The following FGF12 variants were observed in gnomAD, a reference collection of about 807,000 sequenced individuals.
The protein encoded by FGF12 is fibroblast growth factor 12, also known as fibroblast growth factor 12B.
In FGF12, 14 loss-of-function variants were observed where a neutral mutation model predicts 23.6. The observed-to-expected ratio is 0.59, with a 90% CI of 0.39 to 0.93. The LOEUF (loss-of-function observed/expected upper bound fraction) is 0.93, where lower values mean the gene tolerates loss of function less well. FGF12 is among the 40% of genes least tolerant of loss of function. FGF12 has a pLI of 0.00. For missense variants in FGF12, 175 were observed against 217.8 expected (o/e 0.80, Z 1.24); for synonymous variants, 62 against 77.3 (o/e 0.80, Z 1.04).
intron 4 of FGF12, among the ~76,000 whole-genome samples, chr3:192,200,518 G>A (rs1370913441): frequency 6.6e-6 from 1 of 152,098 alleles, no homozygotes; most frequent in Non-Finnish European, 1.5e-5. Flanking sequence ...AAACTTTCAC[G>A]TAGGAAGCCA....
chr3:192,261,424 C>T (rs1168369413), intron 4 of FGF12, among the ~76,000 whole-genome samples: 2 of 152,174 alleles, frequency 1.3e-5, no homozygotes, highest in African/African-American at 4.8e-5. Context: ...CGTTTCCAAC[C>T]ACAGGCTTCT....
At chr3:192,314,912 G>A (rs931476021) in intron 4 of FGF12, among the ~76,000 whole-genome samples, 2 of 152,148 alleles carry the variant, frequency 1.3e-5, no homozygotes, top group Non-Finnish European at 2.9e-5. Flanking sequence ...GGATTCTTTA[G>A]AAGGTTAAAT....
intron 2 of FGF12, among the ~76,000 whole-genome samples, chr3:192,686,542 G>A (rs1165681553): frequency 6.6e-6 from 1 of 152,042 alleles, no homozygotes; most frequent in African/African-American, 2.4e-5. Flanking sequence ...ACTTACATTT[G>A]TTCTTCTCTT....
At chr3:192,402,361 T>A (rs931867565) in intron 2 of FGF12, among the ~76,000 whole-genome samples, 1 of 152,194 alleles carries the variant, frequency 6.6e-6, no homozygotes, top group Non-Finnish European at 1.5e-5. Flanking sequence ...CATAACAACA[T>A]AGCCATGGGA....
At chr3:192,189,251 A>G (rs1432766006) in intron 4 of FGF12, among the ~76,000 whole-genome samples, 1 of 152,180 alleles carries the variant, frequency 6.6e-6, no homozygotes, top group Non-Finnish European at 1.5e-5. Flanking sequence ...GAGGAATCCA[A>G]TGGAGAAAGA....
chr3:192,251,209 C>G (rs1711986947), intron 4 of FGF12, among the ~76,000 whole-genome samples: 1 of 152,116 alleles, frequency 6.6e-6, no homozygotes, highest in Non-Finnish European at 1.5e-5. Flanking sequence ...ACATGTTTCT[C>G]CTAGAAAGAG....
chr3:192,628,798 A>G (rs9856381), intron 2 of FGF12, among the ~76,000 whole-genome samples: 1 of 151,252 alleles, frequency 6.6e-6, no homozygotes, highest in Non-Finnish European at 1.5e-5. Flanking sequence ...TGTGGTTTTT[A>G]CCATTACTTT....
At chr3:192,640,988 A>AT (rs371528773) in intron 2 of FGF12, among the ~76,000 whole-genome samples, 173 of 149,670 alleles carry the variant, frequency 1.2e-3, no homozygotes, top group African/African-American at 4.1e-3. Flanking sequence ...AGTTTGTTTT[A>AT]TTTTTTTGTA....
chr3:192,181,366 C>CACACACAG (rs1560181719), intron 4 of FGF12, among the ~76,000 whole-genome samples: 1 of 137,238 alleles, frequency 7.3e-6, no homozygotes, highest in Non-Finnish European at 1.5e-5. Context: ...CACACACAGA[C>CACACACAG]ACACACACAC....
chr3:192,545,215 A>G (rs1285931801), intron 2 of FGF12, among the ~76,000 whole-genome samples: 1 of 152,196 alleles, frequency 6.6e-6, no homozygotes, highest in Non-Finnish European at 1.5e-5. Flanking sequence ...CCAACCGAAC[A>G]CTTGCACTCT....
intron 4 of FGF12, among the ~76,000 whole-genome samples, chr3:192,263,612 G>C (rs1712896460): frequency 1.3e-5 from 2 of 151,754 alleles, no homozygotes; most frequent in African/African-American, 4.8e-5. Flanking sequence ...TGAGTCCAGG[G>C]ATGAAGTTTC....
intron 2 of FGF12, among the ~76,000 whole-genome samples, chr3:192,699,721 T>C (rs1360475182): frequency 6.6e-6 from 1 of 152,164 alleles, no homozygotes; most frequent in Non-Finnish European, 1.5e-5. Context: ...TCAACTCTAA[T>C]GAAATATTAG....
chr3:192,162,631 G>A (rs921122518), intron 5 of FGF12, among the ~76,000 whole-genome samples: 1 of 152,100 alleles, frequency 6.6e-6, no homozygotes, highest in Non-Finnish European at 1.5e-5. Flanking sequence ...TACTGGCAGA[G>A]AGGTTCTTTT....
At chr3:192,489,960 C>G (rs141904709) in intron 2 of FGF12, among the ~76,000 whole-genome samples, 434 of 152,152 alleles carry the variant, frequency 2.9e-3, no homozygotes, top group African/African-American at 0.01. Flanking sequence ...CAAACCTACA[C>G]ATGTACCCCT....
intron 2 of FGF12, among the ~76,000 whole-genome samples, chr3:192,403,883 T>C (rs539259750): frequency 6.6e-6 from 1 of 152,292 alleles, no homozygotes; most frequent in African/African-American, 2.4e-5. Context: ...GAGTATACTG[T>C]TAAACACTGT....
At chr3:192,687,728 C>G (rs185929816) in intron 2 of FGF12, among the ~76,000 whole-genome samples, 64 of 152,156 alleles carry the variant, frequency 4.2e-4, no homozygotes, top group African/African-American at 1.4e-3. Context: ...ATTCTTGTAC[C>G]CAGAACTGGC....
chr3:192,456,929 C>G (rs910365914), intron 2 of FGF12, among the ~76,000 whole-genome samples: 1 of 152,188 alleles, frequency 6.6e-6, no homozygotes, highest in Non-Finnish European at 1.5e-5. Flanking sequence ...TTGAATTATA[C>G]TCCCATAATT....
At chr3:192,604,540 C>A (rs968145374) in intron 2 of FGF12, among the ~76,000 whole-genome samples, 1 of 152,110 alleles carries the variant, frequency 6.6e-6, no homozygotes, top group African/African-American at 2.4e-5. Flanking sequence ...CGAACTACTG[C>A]TGAAATAAAT....
At chr3:192,424,637 G>A (rs1293457778) in intron 2 of FGF12, among the ~76,000 whole-genome samples, 2 of 152,038 alleles carry the variant, frequency 1.3e-5, no homozygotes, top group Non-Finnish European at 2.9e-5. Context: ...CTATAGTCTA[G>A]GGAAAATTTC....
Sources: allele counts gnomAD v4.1 joint callset (sites outside exome capture counted in the v4.1 genomes callset), GRCh38; gene constraint gnomAD v4.1.1; transcripts MANE v1.5; gene names NCBI Gene and HGNC (gene_info 2026-07-23, HGNC 2026-07-21).